Variants in PLBD1 observed in about 807,000 individuals in gnomAD.
The protein encoded by PLBD1 is phospholipase B domain containing 1.
Under a neutral mutation model 63.0 loss-of-function variants are expected in PLBD1, and 60 were observed. The observed-to-expected ratio is 0.95, with a 90% CI of 0.77 to 1.18. PLBD1 has a LOEUF of 1.18. PLBD1 is among the 50% of genes most tolerant of loss of function. The pLI is 0.00. For synonymous variants in PLBD1, 262 were observed against 248.0 expected, an observed-to-expected ratio of 1.06 and a Z score of -0.53; for missense variants, 598 against 677.9, an observed-to-expected ratio of 0.88 and a Z score of 1.31.
At position 14,535,818 on chromosome 12, in the gene PLBD1, A is replaced by C; in HGVS notation, c.700-15T>G. The C allele has an allele frequency of 1.9e-6, 3 of 1,612,760 alleles. No individual in the cohort carries two copies. In the East Asian group the frequency reaches 6.7e-5, roughly 36 times the overall value. ...CCAGGAAGAACCTACAGCCAGAATCATAGTGGATTACACAGATGTACATAG... is the reference window on the plus strand; with the variant it reads ...CCAGGAAGAACCTACAGCCAGAATCCTAGTGGATTACACAGATGTACATAG... On this transcript the variant is annotated splice_polypyrimidine_tract_variant and intron_variant, in intron 5 of 10. Transcript: ENST00000240617.
intron 1 of PLBD1, 69 bp downstream of exon 1, chr12:14,567,513 G>C: frequency 7.1e-7 from 1 of 1,408,626 alleles, no homozygotes; most frequent in Non-Finnish European, 9.2e-7. Flanking sequence ...GCCGGACGCG[G>C]GGCACGGGCG....
At position 14,507,079 on chromosome 12, in the gene PLBD1, A is replaced by AT. The variant is rs1343044598; in HGVS notation, c.1225dup (p.Ile409AsnfsTer21). 7.4e-6 allele frequency: 12 copies of AT among 1,613,080 alleles called. No homozygotes were observed. Among genetic ancestry groups the AT allele is most frequent in the South Asian group, 2.2e-5 (2 of 90,988 alleles). On this transcript the variant is annotated frameshift_variant, in exon 9 of 11. Coordinates refer to ENST00000240617, the MANE Select transcript of PLBD1 (RefSeq NM_024829.6). LOFTEE classifies it high-confidence loss of function. ...CAGTGGATAGCCACTCCAGTTGTAG[A>AT]TTTTTTCATGGAAAGGAACATTGTA...
intron 8 of PLBD1, among the ~76,000 whole-genome samples, chr12:14,510,381 G>C (rs1042844355): frequency 1.3e-5 from 2 of 152,086 alleles, no homozygotes; most frequent in African/African-American, 4.8e-5. Context: ...GTGACAGAGC[G>C]ACACTCCATC....
At chr12:14,565,524 T>A (rs1311095071) in intron 1 of PLBD1, among the ~76,000 whole-genome samples, 1 of 151,650 alleles carries the variant, frequency 6.6e-6, no homozygotes, top group Admixed American at 6.6e-5. Flanking sequence ...TTTGGATAGA[T>A]AGATGCATAT....
chr12:14,561,335 A>C (rs1945741013), intron 1 of PLBD1, among the ~76,000 whole-genome samples: 1 of 152,040 alleles, frequency 6.6e-6, no homozygotes, highest in Non-Finnish European at 1.5e-5. Context: ...TTCTTGCCAA[A>C]AGCCCTATCA....
Position 14,529,808 on chromosome 12 carries a change from G to C in PLBD1, c.844+5851C>G, listed in dbSNP as rs191238252. 1.3e-4 allele frequency among the ~76,000 whole-genome samples: 20 copies of C among 152,176 alleles called. No homozygotes were observed. In the East Asian group the frequency reaches 3.5e-3, roughly 26 times the overall value. ...CAAAAAAACAATCAAAGACATACAA[G>C]GGATGGAAGAAGTCAAACTGTCTTT... On this transcript the variant is annotated intron_variant, in intron 6 of 10. Coordinates refer to ENST00000240617, the MANE Select transcript of PLBD1 (RefSeq NM_024829.6).
chr12:14,558,284 G>T (rs1945722135), intron 1 of PLBD1, among the ~76,000 whole-genome samples: 1 of 152,052 alleles, frequency 6.6e-6, no homozygotes, highest in Non-Finnish European at 1.5e-5. Context: ...GGAAGTAATG[G>T]CATTAAGAAA....
intron 6 of PLBD1, among the ~76,000 whole-genome samples, chr12:14,518,528 T>G (rs899708254): frequency 1.3e-5 from 2 of 152,172 alleles, no homozygotes; most frequent in Admixed American, 1.3e-4. Flanking sequence ...GAGGGCAGGA[T>G]GAATAGAAAG....
At chr12:14,509,067 C>T (rs1281395583) in intron 8 of PLBD1, among the ~76,000 whole-genome samples, 2 of 149,484 alleles carry the variant, frequency 1.3e-5, no homozygotes, top group African/African-American at 2.5e-5. Context: ...ATGTTTCTTT[C>T]TGAGCTTTTC....
intron 1 of PLBD1, chr12:14,553,811 A>G: frequency 4.4e-6 from 1 of 227,864 alleles, no homozygotes; most frequent in Non-Finnish European, 9.0e-6. Flanking sequence ...CTCCTCTATC[A>G]GGGATGATCG....
chr12:14,527,006 C>T (rs762949847), intron 6 of PLBD1, among the ~76,000 whole-genome samples: 2 of 152,064 alleles, frequency 1.3e-5, no homozygotes, highest in Non-Finnish European at 2.9e-5. Context: ...ACCCAACATA[C>T]ACATACGCCT....
intron 2 of PLBD1, among the ~76,000 whole-genome samples, chr12:14,551,170 C>A (rs1393480867): frequency 1.3e-5 from 2 of 152,164 alleles, no homozygotes; most frequent in African/African-American, 4.8e-5. Context: ...CGAGACCAGC[C>A]TGGCCAATGT....
intron 2 of PLBD1, among the ~76,000 whole-genome samples, chr12:14,551,336 C>T (rs1335740283): frequency 2.6e-5 from 4 of 152,138 alleles, no homozygotes; most frequent in African/African-American, 7.2e-5. Context: ...GCACTCCAGC[C>T]TGGGCAACAG....
intron 1 of PLBD1, among the ~76,000 whole-genome samples, chr12:14,557,543 A>G (rs1386729948): frequency 6.6e-6 from 1 of 152,206 alleles, no homozygotes. Context: ...CATTATCCTG[A>G]GCAAACTAAC....
At chr12:14,550,803 G>C (rs1474897948) in intron 2 of PLBD1, among the ~76,000 whole-genome samples, 2 of 151,724 alleles carry the variant, frequency 1.3e-5, no homozygotes, top group African/African-American at 2.4e-5. Flanking sequence ...TCCTGAACCC[G>C]GGAGGCGGAG....
At chr12:14,557,415 G>T (rs1050745648) in intron 1 of PLBD1, among the ~76,000 whole-genome samples, 3 of 152,094 alleles carry the variant, frequency 2.0e-5, no homozygotes, top group African/African-American at 7.2e-5. Context: ...TAACCTAAAG[G>T]CCCATCAGTG....
At chr12:14,553,667 T>G in intron 1 of PLBD1, 1 of 533,810 alleles carries the variant, frequency 1.9e-6, no homozygotes, top group South Asian at 2.1e-5. Context: ...GAGGTGAGCC[T>G]GAGTGTTTCA....
chr12:14,510,574 A>T (rs1368793764), intron 8 of PLBD1, among the ~76,000 whole-genome samples: 3 of 152,240 alleles, frequency 2.0e-5, no homozygotes, highest in African/African-American at 7.2e-5. Flanking sequence ...TTTTAAAATT[A>T]CAAATACGTG....
At position 14,535,688 on chromosome 12, in the gene PLBD1, C is replaced by T. The variant is rs926881150; in HGVS notation, c.815G>A (p.Ser272Asn). The T allele has an allele frequency of 1.9e-6, 3 of 1,614,020 alleles. No individual in the cohort carries two copies. The highest frequency in any genetic ancestry group is 2.5e-6 in the Non-Finnish European group (3 of 1,179,906). Residue 272 changes from serine to asparagine, a missense_variant, in exon 6 of 11, where the codon AGT becomes AAT. By Grantham distance (46) the Ser-to-Asn change is conservative (BLOSUM62 1). Transcript: ENST00000240617. Reference protein sequence around the residue: ...DFNVIDKDTSSSRLSFSSYPG... With the variant: ...DFNVIDKDTSNSRLSFSSYPG... ...GTAACTGCTGAAAGAGAGGCGACTA[C>T]TGCTGGTATCTTTATCTATGACGTT... is the stretch of plus-strand genomic sequence containing the variant.
Sources: allele counts gnomAD v4.1 joint callset (sites outside exome capture counted in the v4.1 genomes callset), GRCh38; gene constraint gnomAD v4.1.1; transcripts MANE v1.5; gene names NCBI Gene and HGNC (gene_info 2026-07-23, HGNC 2026-07-21).